Variants in CLVS1 observed in about 807,000 individuals in gnomAD.
CLVS1 encodes clavesin 1, also known as clavesin-1.
In CLVS1, 10 loss-of-function variants were observed where a neutral mutation model predicts 33.1. The ratio of observed to expected loss-of-function variants is 0.30; its 90% CI spans 0.19 to 0.51. The LOEUF is 0.51. CLVS1 is among the 20% of genes least tolerant of loss of function. The probability of loss-of-function intolerance (pLI) is 0.97; values close to 1 mark genes in which losing one functional copy is unlikely to be tolerated. For synonymous variants in CLVS1, 163 were observed against 166.1 expected, an observed-to-expected ratio of 0.98 and a Z score of 0.14; for missense variants, 343 against 433.4, an observed-to-expected ratio of 0.79 and a Z score of 1.85.
At chr8:61,149,829 T>G (rs1393473887) in intron 2 of CLVS1, among the ~76,000 whole-genome samples, 2 of 152,178 alleles carry the variant, frequency 1.3e-5, no homozygotes, top group African/African-American at 4.8e-5. Context: ...CCCCTACAAT[T>G]TATTCTGACC....
chr8:61,064,157 G>C (rs1224613880), intron 1 of CLVS1, among the ~76,000 whole-genome samples: 1 of 152,142 alleles, frequency 6.6e-6, no homozygotes, highest in African/African-American at 2.4e-5. Flanking sequence ...TCTGCCTTTT[G>C]ATTACTGGGA....
intron 5 of CLVS1, among the ~76,000 whole-genome samples, chr8:61,462,372 T>C (rs1182538695): frequency 6.6e-6 from 1 of 152,162 alleles, no homozygotes; most frequent in Admixed American, 6.6e-5. Context: ...TTTTTGTTTG[T>C]TTGTTTGTTT....
upstream of CLVS1, among the ~76,000 whole-genome samples, chr8:61,055,490 A>G (rs1187399794): frequency 6.6e-6 from 1 of 152,230 alleles, no homozygotes; most frequent in South Asian, 2.1e-4. Flanking sequence ...GAAAAGGAAT[A>G]TTCTACTTCA....
At chr8:61,125,784 C>A (rs1285861874) in intron 1 of CLVS1, among the ~76,000 whole-genome samples, 1 of 152,030 alleles carries the variant, frequency 6.6e-6, no homozygotes, top group Non-Finnish European at 1.5e-5. Flanking sequence ...GCAAATATAC[C>A]AGAGAGATTA....
chr8:61,420,503 G>A (rs896213103), intron 3 of CLVS1, among the ~76,000 whole-genome samples: 1 of 152,142 alleles, frequency 6.6e-6, no homozygotes, highest in Non-Finnish European at 1.5e-5. Flanking sequence ...TCGGGAGGCT[G>A]AGGCAAAAGA....
Position 61,232,027 on chromosome 8 carries a change from T to TTTTTTTTTTG in CLVS1, c.-151-67641_-151-67640insGTTTTTTTTT, listed in dbSNP as rs1808449338. On this transcript the variant is annotated intron_variant, in intron 2 of 2. Transcript: ENST00000522621. ...GGAGCCCTGAGGAAAGTTGTGGTTTTTTTTTTTTTTTTTTTTTTTTTTTGT... is the reference window on the plus strand; with the variant it reads ...GGAGCCCTGAGGAAAGTTGTGGTTTTTTTTTTTTTGTTTTTTTTTTTTTTTTTTTTTTTGT... Among the ~76,000 whole-genome samples, 2 of 113,186 alleles carry TTTTTTTTTTG rather than the reference T, an allele frequency of 1.8e-5. 1 individual carries two copies. The highest frequency in any genetic ancestry group is 8.4e-5 in the African/African-American group (2 of 23,854). The allele number at this position is 113,186 out of a possible 152,430, so 74.3% of individuals were successfully genotyped here.
intron 3 of CLVS1, among the ~76,000 whole-genome samples, chr8:61,421,777 T>C (rs117988981): frequency 2.2e-3 from 339 of 152,272 alleles, no homozygotes; most frequent in Admixed American, 4.1e-3. Flanking sequence ...TGCCTTTTCA[T>C]GTTGGAAGCC....
At chr8:61,440,101 TC>T (rs1315305703) in intron 3 of CLVS1, among the ~76,000 whole-genome samples, 1 of 152,234 alleles carries the variant, frequency 6.6e-6, no homozygotes, top group African/African-American at 2.4e-5. Context: ...TAAAGCATTG[TC>T]TTTCTCCATC....
chr8:61,246,167 CTTTTTTTTTTTT>C (rs1188366643), intron 2 of CLVS1, among the ~76,000 whole-genome samples: 25 of 82,238 alleles, frequency 3.0e-4, no homozygotes, highest in African/African-American at 1.0e-3. Flanking sequence ...TCCTTCCCAA[CTTTTTTTTTTTT>C]TTTTTTTTTT....
chr8:61,033,161 A>AGAAAGAAAGAAAGAAAAAG, the CLVS1 span, among the ~76,000 whole-genome samples: 2 of 92,130 alleles, frequency 2.2e-5, no homozygotes, highest in African/African-American at 8.8e-5. Context: ...GAAAGAAAGA[A>AGAAAGAAAGAAAGAAAAAG]AAAGAAAGAA....
At chr8:60,995,747 G>T in the CLVS1 span, among the ~76,000 whole-genome samples, 1 of 152,176 alleles carries the variant, frequency 6.6e-6, no homozygotes, top group South Asian at 2.1e-4. Flanking sequence ...CAATAGCAAA[G>T]ACTTGGAACC....
At chr8:61,241,692 A>G (rs1400809301) in intron 2 of CLVS1, among the ~76,000 whole-genome samples, 1 of 152,248 alleles carries the variant, frequency 6.6e-6, no homozygotes, top group Non-Finnish European at 1.5e-5. Flanking sequence ...TTGCTTTAAA[A>G]TGAGCGTATA....
At chr8:61,187,363 AC>A (rs1175717735) in intron 2 of CLVS1, among the ~76,000 whole-genome samples, 1 of 152,120 alleles carries the variant, frequency 6.6e-6, no homozygotes, top group African/African-American at 2.4e-5. Flanking sequence ...CACACAGCTT[AC>A]CACCTCAAAC....
At position 61,501,394 on chromosome 8, in the gene CLVS1, A is replaced by G. The variant is rs1407937619; in HGVS notation, c.*1852A>G. ...CCTTACTGTAGTGACCTGATTTTAA[A>G]TACCATATTATATTTACTAAGTTAA... On this transcript the variant is annotated 3_prime_UTR_variant, in exon 6 of 6. Transcript: ENST00000325897. The G allele has an allele frequency of 6.6e-6, 1 of 152,182 alleles. No homozygotes were observed. Among genetic ancestry groups the G allele is most frequent in the East Asian group, 1.9e-4 (1 of 5,202 alleles). 9.4% of individuals were successfully genotyped at this position (152,182 alleles called of 1,614,324 possible). A position where few individuals can be genotyped will look rare whatever the true frequency, so the allele number is the denominator to read the frequency against.
chr8:60,980,424 G>A, the CLVS1 span, among the ~76,000 whole-genome samples: 2 of 152,198 alleles, frequency 1.3e-5, no homozygotes, highest in African/African-American at 4.8e-5. Flanking sequence ...CATAGAAACG[G>A]TAGTGGGTTC....
chr8:61,473,784 A>G (rs753769734), intron 5 of CLVS1, among the ~76,000 whole-genome samples: 32 of 152,228 alleles, frequency 2.1e-4, no homozygotes, highest in Admixed American at 2.1e-3. Flanking sequence ...GGTCTTTTGC[A>G]TATGTAAAAG....
chr8:61,422,622 G>T lies in CLVS1; in HGVS notation c.631-31519G>T, dbSNP rs10216589. ...AGCTTTCCACCTGAAAACACAAACC[G>T]TAGAAGTTCCAGTGAGGAACCATAT... is the stretch of plus-strand genomic sequence containing the variant. On this transcript the variant is annotated intron_variant, in intron 3 of 5. Coordinates refer to ENST00000325897, the MANE Select transcript of CLVS1 (RefSeq NM_173519.3). Among the ~76,000 whole-genome samples the T allele has an allele frequency of 6.3e-3, 966 of 152,202 alleles. 15 individuals are homozygous for T. The highest frequency in any genetic ancestry group is 0.022 in the African/African-American group (909 of 41,524).
chr8:61,449,260 G>C (rs1408146400), intron 3 of CLVS1, among the ~76,000 whole-genome samples: 2 of 152,164 alleles, frequency 1.3e-5, no homozygotes, highest in Non-Finnish European at 2.9e-5. Flanking sequence ...AATGATTAAA[G>C]TCTTGACTGT....
At chr8:61,099,214 G>A (rs76076526) in intron 1 of CLVS1, among the ~76,000 whole-genome samples, 2,769 of 152,236 alleles carry the variant, frequency 0.018, 89 homozygotes, top group African/African-American at 0.061. Context: ...TGTCGTTTTA[G>A]TGGAGTCAGA....
Sources: allele counts gnomAD v4.1 joint callset (sites outside exome capture counted in the v4.1 genomes callset), GRCh38; gene constraint gnomAD v4.1.1; transcripts MANE v1.5; gene names NCBI Gene and HGNC (gene_info 2026-07-23, HGNC 2026-07-21).